Variants in SLC44A5 observed in about 807,000 individuals in gnomAD.
The protein encoded by SLC44A5 is solute carrier family 44 member 5.
SLC44A5 carries 57 observed loss-of-function variants against 101.8 expected under a neutral mutation model. That is an observed-to-expected ratio of 0.56 (90% confidence interval 0.45 to 0.70). The LOEUF (loss-of-function observed/expected upper bound fraction) is 0.70. Ranked by LOEUF, SLC44A5 falls within the 30% of genes least tolerant of loss-of-function variation. The pLI is 0.00. For missense variants in SLC44A5, 737 were observed against 853.1 expected (o/e 0.86, Z 1.70); for synonymous variants, 281 against 290.9 (o/e 0.97, Z 0.35).
At chr1:75,643,319 C>T in the SLC44A5 span, among the ~76,000 whole-genome samples, 5 of 152,142 alleles carry the variant, frequency 3.3e-5, no homozygotes, top group South Asian at 8.3e-4. Context: ...CTTCAAGACC[C>T]CAGACTATTG....
At chr1:75,464,961 T>G (rs1467243300) in intron 2 of SLC44A5, among the ~76,000 whole-genome samples, 3 of 151,888 alleles carry the variant, frequency 2.0e-5, no homozygotes, top group African/African-American at 7.2e-5. Context: ...CACCTCACTT[T>G]CAGCCTTGGA....
chr1:75,583,384 A>G (rs1046886263), intron 1 of SLC44A5, among the ~76,000 whole-genome samples: 2 of 152,142 alleles, frequency 1.3e-5, no homozygotes, highest in African/African-American at 4.8e-5. Flanking sequence ...CCTATGCCCT[A>G]CATGTTTCCT....
intron 1 of SLC44A5, among the ~76,000 whole-genome samples, chr1:75,567,729 A>ATGCTAGAAT (rs1165989031): frequency 2.2e-4 from 34 of 152,216 alleles, no homozygotes; most frequent in Non-Finnish European, 2.9e-5. Flanking sequence ...AGCAAGTAAT[A>ATGCTAGAAT]TGCTAGAATC....
At chr1:75,471,410 TAC>T (rs369567112) in intron 2 of SLC44A5, among the ~76,000 whole-genome samples, 10 of 142,664 alleles carry the variant, frequency 7.0e-5, no homozygotes, top group Non-Finnish European at 1.4e-4. Flanking sequence ...CACACACACG[TAC>T]ACACACACAC....
At chr1:75,291,492 C>T (rs927728295) in intron 5 of SLC44A5, among the ~76,000 whole-genome samples, 2 of 152,096 alleles carry the variant, frequency 1.3e-5, no homozygotes, top group African/African-American at 2.4e-5. Flanking sequence ...AATTCTGACA[C>T]GTGCTACAAA....
intron 2 of SLC44A5, among the ~76,000 whole-genome samples, chr1:75,423,776 G>T (rs1664149466): frequency 6.6e-6 from 1 of 152,242 alleles, no homozygotes; most frequent in Admixed American, 6.5e-5. Flanking sequence ...GACAGGCCTT[G>T]CTGAGCACAC....
In SLC44A5 at chr1:75,601,204, C is replaced by T. The variant is rs144139014; in HGVS notation, c.-70+9836G>A. The stretch of plus-strand genomic sequence containing the variant: ...GTGATCAGCACAAGAAATAACATCC[C>T]TTGAGTTCATGTCATTTGCAGGGAC... On this transcript the variant is annotated intron_variant, in intron 1 of 23. Transcript: ENST00000370859. 5.7e-3 allele frequency among the ~76,000 whole-genome samples: 871 copies of T among 152,224 alleles called. 15 individuals carry two copies. Among genetic ancestry groups the T allele is most frequent in the Admixed American group, 0.035 (532 of 15,282 alleles).
the SLC44A5 span, among the ~76,000 whole-genome samples, chr1:75,651,689 T>A: frequency 8.5e-6 from 1 of 117,598 alleles, no homozygotes; most frequent in African/African-American, 3.5e-5. Flanking sequence ...AGAGCGAGAC[T>A]CTGTCTCAAA....
chr1:75,415,952 G>GGAAGCA (rs1330017356), intron 2 of SLC44A5, among the ~76,000 whole-genome samples: 1 of 152,128 alleles, frequency 6.6e-6, no homozygotes, highest in African/African-American at 2.4e-5. Context: ...GTTTCATAAG[G>GGAAGCA]GAAGCAGAGC....
chr1:75,578,141 C>T (rs1673478159), intron 1 of SLC44A5, among the ~76,000 whole-genome samples: 1 of 151,936 alleles, frequency 6.6e-6, no homozygotes, highest in African/African-American at 2.4e-5. Flanking sequence ...TCCATAAATA[C>T]AGTTTCTATA....
chr1:75,374,993 CA>C (rs2101197139), intron 3 of SLC44A5, among the ~76,000 whole-genome samples: 1 of 152,276 alleles, frequency 6.6e-6, no homozygotes, highest in Admixed American at 6.5e-5. Flanking sequence ...ATCTCTCCAG[CA>C]ATGGATCCTA....
intron 13 of SLC44A5, among the ~76,000 whole-genome samples, chr1:75,226,683 A>G (rs1012201704): frequency 6.6e-6 from 1 of 152,020 alleles, no homozygotes; most frequent in Non-Finnish European, 1.5e-5. Context: ...GCTTCCTTGA[A>G]TGTGTCTTGT....
chr1:75,203,748 A>AT lies in SLC44A5; in HGVS notation c.2132dup (p.Asn711LysfsTer5). The AT allele has an allele frequency of 6.5e-7, 1 of 1,549,054 alleles. No homozygotes were observed. The highest frequency in any genetic ancestry group is 8.7e-7 in the Non-Finnish European group (1 of 1,145,824). On this transcript the variant is annotated frameshift_variant, in exon 24 of 24. Transcript: ENST00000370859. LOFTEE classifies it low-confidence loss of function (END_TRUNC). The stretch of plus-strand genomic sequence containing the variant: ...TCTTCTACTGCTTCCTAGTTTGTGG[A>AT]TTTTCCTCCTGGAAAATCTTCAGCA...
At chr1:75,259,727 A>G (rs977878035) in intron 6 of SLC44A5, among the ~76,000 whole-genome samples, 6 of 152,224 alleles carry the variant, frequency 3.9e-5, no homozygotes, top group East Asian at 3.9e-4. Context: ...ACACACAATC[A>G]TCAGATTCAC....
chr1:75,460,376 C>A (rs1047344542), intron 2 of SLC44A5, among the ~76,000 whole-genome samples: 16 of 152,278 alleles, frequency 1.1e-4, no homozygotes, highest in Admixed American at 3.3e-4. Flanking sequence ...AAATATTTCA[C>A]AAAATGTAAA....
Position 75,603,318 on chromosome 1 carries a change from C to CT in SLC44A5, c.-70+7721dup, listed in dbSNP as rs541728899. Among the ~76,000 whole-genome samples, 62 of 148,612 alleles carry CT rather than the reference C, an allele frequency of 4.2e-4. No homozygotes were observed. The South Asian group carries it at 0.013, about 31-fold the overall frequency. ...TTGCTGCAAAGGAAATGATTTTGTT[C>CT]TTTTTTTGGCTATATAGTATTCCAT... On this transcript the variant is annotated intron_variant, in intron 1 of 23. Transcript: ENST00000370859.
the SLC44A5 span, among the ~76,000 whole-genome samples, chr1:75,694,945 G>A: frequency 2.0e-5 from 3 of 152,096 alleles, no homozygotes; most frequent in African/African-American, 7.2e-5. Context: ...CATACAAGTG[G>A]AGCAAAACAA....
intron 2 of SLC44A5, among the ~76,000 whole-genome samples, chr1:75,478,573 GA>G (rs535606637): frequency 0.01 from 1,525 of 150,908 alleles, 5 homozygotes; most frequent in Middle Eastern, 0.02. Flanking sequence ...CAAGCAAATG[GA>G]AAACAAAAAA....
chr1:75,548,369 T>C (rs930397122), intron 1 of SLC44A5, among the ~76,000 whole-genome samples: 4 of 152,144 alleles, frequency 2.6e-5, no homozygotes, highest in Non-Finnish European at 4.4e-5. Flanking sequence ...AATTTAATGA[T>C]CTTTTAACTT....
Sources: gnomAD v4.1 joint callset for allele counts (sites outside exome capture counted in the v4.1 genomes callset) on GRCh38, gnomAD v4.1.1 for gene constraint, MANE v1.5 for transcripts, NCBI Gene and HGNC (gene_info 2026-07-23, HGNC 2026-07-21) for gene names.